The following PACRG variants were observed in gnomAD, a reference collection of about 807,000 sequenced individuals.
PACRG encodes parkin coregulated, also known as parkin coregulated gene protein.
A neutral mutation model predicts 29.7 loss-of-function variants in PACRG; 29 were observed. The observed-to-expected ratio is 0.98, with a 90% confidence interval of 0.73 to 1.33. PACRG has a LOEUF of 1.33. Among genes scored for constraint, PACRG ranks in the 40% most tolerant of loss-of-function variants. PACRG has a pLI of 0.00. For synonymous variants in PACRG, 116 were observed against 118.7 expected (o/e 0.98, Z 0.15); for missense variants, 279 against 316.2 (o/e 0.88, Z 0.89).
chr6:162,795,155 C>T (rs1166778842), intron 1 of PACRG, among the ~76,000 whole-genome samples: 2 of 149,796 alleles, frequency 1.3e-5, no homozygotes. Flanking sequence ...GGGAATTTGC[C>T]TGATATGTTC....
chr6:162,868,655 G>C (rs1279017178), intron 2 of PACRG, among the ~76,000 whole-genome samples: 1 of 152,104 alleles, frequency 6.6e-6, no homozygotes, highest in Non-Finnish European at 1.5e-5. Flanking sequence ...AGCCGCCAGA[G>C]CACAGCCTCC....
At chr6:162,735,909 A>G (rs1251222863) in intron 1 of PACRG, among the ~76,000 whole-genome samples, 1 of 152,242 alleles carries the variant, frequency 6.6e-6, no homozygotes, top group East Asian at 1.9e-4. Flanking sequence ...TAAACAACAG[A>G]GAAATAATAA....
intron 4 of PACRG, among the ~76,000 whole-genome samples, chr6:163,128,006 T>G (rs1293127607): frequency 2.0e-5 from 3 of 152,244 alleles, no homozygotes; most frequent in Non-Finnish European, 4.4e-5. Flanking sequence ...GATTGTGGTT[T>G]ATTATTTTTC....
intron 2 of PACRG, among the ~76,000 whole-genome samples, chr6:162,886,170 G>A (rs1012128973): frequency 2.3e-4 from 35 of 151,958 alleles, no homozygotes; most frequent in South Asian, 1.0e-3. Context: ...TGATCTACCC[G>A]CCTTGGCCTC....
At chr6:162,791,335 T>A (rs1211319428) in intron 1 of PACRG, among the ~76,000 whole-genome samples, 1 of 142,256 alleles carries the variant, frequency 7.0e-6, no homozygotes, top group Non-Finnish European at 1.5e-5. Flanking sequence ...TGCTTTGCGC[T>A]AACTTTCCTT....
Position 163,257,351 on chromosome 6 carries a change from C to G in PACRG, c.614-57476C>G, listed in dbSNP as rs374585109. ...GGGGTTCAGGCAGCAGCAGAGAGCCCAGTTAGGAAAGACTATACCAGTTAT... is the reference window on the plus strand; with the variant it reads ...GGGGTTCAGGCAGCAGCAGAGAGCCGAGTTAGGAAAGACTATACCAGTTAT... On this transcript the variant is annotated intron_variant, in intron 4 of 4. Transcript: ENST00000366888. Among the ~76,000 whole-genome samples the G allele has an allele frequency of 7.9e-5, 12 of 152,132 alleles. No homozygotes were observed. In the South Asian group the frequency reaches 2.5e-3, roughly 32 times the overall value.
chr6:163,016,893 CTTCTA>C, intron 2 of PACRG, among the ~76,000 whole-genome samples: 1 of 152,014 alleles, frequency 6.6e-6, no homozygotes, highest in African/African-American at 2.4e-5. Flanking sequence ...GTCTTTTTCT[CTTCTA>C]TTATTTGGAC....
intron 4 of PACRG, chr6:163,165,475 A>T (rs2128343761): frequency 6.6e-6 from 1 of 152,506 alleles, no homozygotes; most frequent in Admixed American, 6.5e-5. Flanking sequence ...GCCAGTGGAT[A>T]TTTATTGGTT....
At chr6:163,148,472 A>T (rs1274531221) in intron 4 of PACRG, among the ~76,000 whole-genome samples, 1 of 152,190 alleles carries the variant, frequency 6.6e-6, no homozygotes, top group African/African-American at 2.4e-5. Flanking sequence ...CACAGAAAAC[A>T]TTTCTAGCCA....
At chr6:163,100,961 T>C in intron 4 of PACRG, 5 of 984,972 alleles carry the variant, frequency 5.1e-6, no homozygotes, top group Non-Finnish European at 6.0e-6. Flanking sequence ...GCAACGTAAT[T>C]ATGACCAAGT....
At chr6:162,898,159 T>C (rs1380742734) in intron 2 of PACRG, among the ~76,000 whole-genome samples, 1 of 152,220 alleles carries the variant, frequency 6.6e-6, no homozygotes, top group African/African-American at 2.4e-5. Flanking sequence ...ATAGGGCCTG[T>C]CTGTTCTTCA....
chr6:163,293,862 A>C (rs2128187956), intron 4 of PACRG, among the ~76,000 whole-genome samples: 1 of 152,280 alleles, frequency 6.6e-6, no homozygotes, highest in South Asian at 2.1e-4. Flanking sequence ...AATATAAAAA[A>C]AAACTGTGAA....
At chr6:162,893,613 T>TA (rs776485896) in intron 2 of PACRG, among the ~76,000 whole-genome samples, 1 of 152,148 alleles carries the variant, frequency 6.6e-6, no homozygotes, top group Non-Finnish European at 1.5e-5. Flanking sequence ...GGTACTAAGT[T>TA]GCTTTTCTTC....
intron 2 of PACRG, among the ~76,000 whole-genome samples, chr6:163,004,569 C>G (rs1177121883): frequency 2.0e-5 from 3 of 151,632 alleles, no homozygotes. Flanking sequence ...GAAACCACCC[C>G]CATGATTCAG....
intron 4 of PACRG, among the ~76,000 whole-genome samples, chr6:163,257,857 A>T (rs1439711901): frequency 6.6e-6 from 1 of 152,230 alleles, no homozygotes; most frequent in Non-Finnish European, 1.5e-5. Flanking sequence ...TTATTACAAC[A>T]ACTGGTGCCA....
intron 2 of PACRG, among the ~76,000 whole-genome samples, chr6:162,818,853 A>G (rs1562629090): frequency 6.6e-6 from 1 of 152,214 alleles, no homozygotes; most frequent in Non-Finnish European, 1.5e-5. Flanking sequence ...AGATATTTGA[A>G]TAGGACGTAG....
chr6:162,814,744 G>A (rs1787182387), intron 2 of PACRG, among the ~76,000 whole-genome samples: 1 of 152,096 alleles, frequency 6.6e-6, no homozygotes, highest in African/African-American at 2.4e-5. Flanking sequence ...AAAGCAGGCC[G>A]ATCCCAATCC....
At chr6:163,298,887 A>G (rs1441264804) in intron 4 of PACRG, among the ~76,000 whole-genome samples, 1 of 152,150 alleles carries the variant, frequency 6.6e-6, no homozygotes, top group East Asian at 1.9e-4. Context: ...ACTTCTCCAC[A>G]CTAAGATGTC....
intron 2 of PACRG, among the ~76,000 whole-genome samples, chr6:162,940,353 A>G (rs1798529905): frequency 6.6e-6 from 1 of 150,580 alleles, no homozygotes. Context: ...TTTATATCTG[A>G]CTGTCATTAG....
Sources: gnomAD v4.1 joint callset for allele counts (sites outside exome capture counted in the v4.1 genomes callset) on GRCh38, gnomAD v4.1.1 for gene constraint, MANE v1.5 for transcripts, NCBI Gene and HGNC (gene_info 2026-07-23, HGNC 2026-07-21) for gene names.